MACF1: variants seen among roughly 807,000 people sequenced by gnomAD.
MACF1 encodes the protein microtubule-actin cross-linking factor 1.
A neutral mutation model predicts 854.8 loss-of-function variants in MACF1; 193 were observed. The ratio of observed to expected loss-of-function variants is 0.23; its 90% confidence interval spans 0.20 to 0.25. MACF1 has a LOEUF of 0.25. Ranked by LOEUF, MACF1 falls within the 10% of genes least tolerant of loss-of-function variation. MACF1 has a pLI of 1.00. For missense variants in MACF1, 7,722 were observed against 8,929.1 expected, an observed-to-expected ratio of 0.86 and a Z score of 5.45; for synonymous variants, 3,185 against 3,226.7, an observed-to-expected ratio of 0.99 and a Z score of 0.44.
intron 58 of MACF1, chr1:39,411,214 T>G (rs768599792): frequency 6.2e-7 from 1 of 1,613,488 alleles, no homozygotes; most frequent in Non-Finnish European, 8.5e-7. Flanking sequence ...GAAAACAGAG[T>G]CTGAGCTAAA....
intron 2 of MACF1, among the ~76,000 whole-genome samples, chr1:39,152,531 G>A (rs547036552): frequency 2.9e-4 from 44 of 152,224 alleles, no homozygotes; most frequent in African/African-American, 8.9e-4. Flanking sequence ...CCTCATTGAC[G>A]TTCTCCCTGT....
intron 2 of MACF1, among the ~76,000 whole-genome samples, chr1:39,099,689 C>T (rs1390376977): frequency 3.3e-5 from 5 of 152,168 alleles, no homozygotes; most frequent in Admixed American, 6.5e-5. Flanking sequence ...CTGGCTCCCT[C>T]CCCCAACCCC....
At chr1:39,266,962 G>C (rs547043546) in intron 6 of MACF1, among the ~76,000 whole-genome samples, 19 of 152,234 alleles carry the variant, frequency 1.2e-4, no homozygotes, top group Non-Finnish European at 2.9e-5. Flanking sequence ...CTTTTTGGCA[G>C]CTTCTTCTCT....
chr1:39,308,478 C>T (rs1262891562), intron 23 of MACF1, among the ~76,000 whole-genome samples: 1 of 152,014 alleles, frequency 6.6e-6, no homozygotes, highest in Non-Finnish European at 1.5e-5. Context: ...TCTAGTTTTC[C>T]ATCCTGTTCT....
intron 1 of MACF1, among the ~76,000 whole-genome samples, chr1:39,209,948 G>C (rs556911449): frequency 6.6e-6 from 1 of 152,148 alleles, no homozygotes; most frequent in Admixed American, 6.5e-5. Flanking sequence ...AAATTAGCTG[G>C]GTGTGGTGGT....
At chr1:39,478,741 C>T (rs1644958690) in intron 97 of MACF1, among the ~76,000 whole-genome samples, 1 of 152,096 alleles carries the variant, frequency 6.6e-6, no homozygotes, top group Non-Finnish European at 1.5e-5. Flanking sequence ...TTCCTGCCAC[C>T]TTCTAGATTT....
At chr1:39,444,420 ATACT>A (rs1644183133) in intron 79 of MACF1, among the ~76,000 whole-genome samples, 2 of 152,312 alleles carry the variant, frequency 1.3e-5, no homozygotes, top group African/African-American at 2.4e-5. Context: ...AAATATGTTA[ATACT>A]TACATTTTAA....
chr1:39,463,718 G>T, intron 94 of MACF1, 32 bp downstream of exon 94: 1 of 1,595,116 alleles, frequency 6.3e-7, no homozygotes, highest in Non-Finnish European at 8.6e-7. Flanking sequence ...CCTTTGTTGT[G>T]GTGGTTTCTC....
At chr1:39,457,399 A>C in intron 89 of MACF1, 1 of 152,438 alleles carries the variant, frequency 6.6e-6, no homozygotes, top group Middle Eastern at 3.4e-3. Flanking sequence ...GTTTTGCCTC[A>C]GTTGCTGCAA....
chr1:39,331,460 G>C lies in MACF1; in HGVS notation c.4872G>C (p.Arg1624Ser). 1.2e-6 allele frequency: 2 copies of C among 1,614,122 alleles called. No individual in the cohort carries two copies. The highest frequency in any genetic ancestry group is 1.7e-6 in the Non-Finnish European group (2 of 1,180,008). The change falls in exon 37 of 101, where the codon AGG becomes AGC. Residue 1624 changes from arginine (R) to serine (S), a missense_variant. Physicochemically the swap from Arg to Ser is moderately radical, Grantham distance 110. Around this residue, in one of 15 missense-constraint regions of MACF1, gnomAD observed 1,531 missense variants for 1,601.6 expected, o/e 0.96. Coordinates refer to ENST00000564288, the MANE Select transcript of MACF1 (RefSeq NM_001394062.1). ...ELQDALALISRLTESRGPLSV... is the reference protein window; with the variant it reads ...ELQDALALISSLTESRGPLSV... Reference sequence around the variant, plus strand: ...AGGATGCCCTGGCCTTAATAAGCAGGCTTACTGAGAGCAGAGGCCCTCTTT... The same window carrying C: ...AGGATGCCCTGGCCTTAATAAGCAGCCTTACTGAGAGCAGAGGCCCTCTTT...
At position 39,357,659 on chromosome 1, in the gene MACF1, G is replaced by A. The variant is rs756801066; in HGVS notation, c.11709G>A (p.Met3903Ile). The change falls in exon 45 of 101, where the codon ATG (methionine) becomes ATA (isoleucine). Residue 3903 changes from methionine (M) to isoleucine (I), a missense_variant. By Grantham distance (10) the Met-to-Ile change is conservative. This residue lies in a region of MACF1 where 2,807 missense variants were observed against 3,235.8 expected (regional missense o/e 0.87). Coordinates refer to ENST00000564288, the MANE Select transcript of MACF1 (RefSeq NM_001394062.1). ...GATCCGAGAAAGAGCTGGAGAACAT[G>A]CATAAGGGAGGCAGCAGCCCCGAGA... is the stretch of plus-strand genomic sequence containing the variant. The part of the protein sequence containing the change: ...LERSEKELEN[M>I]HKGGSSPETL... The A allele has an allele frequency of 6.2e-7, 1 of 1,614,174 alleles. No individual in the cohort carries two copies. The highest frequency in any genetic ancestry group is 1.1e-5 in the South Asian group (1 of 91,080).
At position 39,434,546 on chromosome 1, in the gene MACF1, A is replaced by G; in HGVS notation, c.17698A>G (p.Ile5900Val). 2 of 1,614,166 alleles carry G rather than the reference A, an allele frequency of 1.2e-6. No individual in the cohort carries two copies. Among genetic ancestry groups the G allele is most frequent in the Non-Finnish European group, 1.7e-6 (2 of 1,180,034 alleles). ...WETYEELSPW[I>V]EETRALIAQL... The stretch of plus-strand genomic sequence containing the variant: ...AACTTATGAAGAGCTCAGCCCCTGG[A>G]TTGAGGAAACTCGGGCACTAATAGC... The change falls in exon 69 of 101, where the codon ATT (isoleucine) becomes GTT (valine). Residue 5900 changes from isoleucine to valine, a missense_variant. This residue lies in a region of MACF1 where 2,807 missense variants were observed against 3,235.8 expected (regional missense o/e 0.87). Transcript: ENST00000564288.
In MACF1 at chr1:39,334,693, T is replaced by A. The variant is rs376893611; in HGVS notation, c.8105T>A (p.Leu2702Gln). 11 of 1,614,006 alleles carry A rather than the reference T, an allele frequency of 6.8e-6. No homozygotes were observed. The highest frequency in any genetic ancestry group is 8.5e-6 in the Non-Finnish European group (10 of 1,180,006). ...ATAGATACTGCTACTGGAAAAAGAC[T>A]GACATTGGCATCAGCTTTGGAAGAG... ...GIIDTATGKRLTLASALEEKL... is the reference protein window; with the variant it reads ...GIIDTATGKRQTLASALEEKL... The change falls in exon 37 of 101, where the codon CTG becomes CAG. Residue 2702 changes from leucine (L) to glutamine (Q), a missense_variant. By Grantham distance (113) the Leu-to-Gln change is moderately radical (BLOSUM62 -2). Coordinates refer to ENST00000564288, the MANE Select transcript of MACF1 (RefSeq NM_001394062.1).
At position 39,285,645 on chromosome 1, in the gene MACF1, G is replaced by A. The variant is rs942960532; in HGVS notation, c.1395G>A (p.Glu465=). The change falls in exon 14 of 101, where the codon GAG becomes GAA. Residue 465 remains glutamate (E), a synonymous_variant. Transcript: ENST00000564288. ...AATCAGGACAACCGGTACAATGTGA[G>A]TCAGATGTCATTATGTACATTCAGG... is the stretch of plus-strand genomic sequence containing the variant. The part of the protein sequence containing the change: ...HLESGQPVQC[E]SDVIMYIQEC... 7 of 1,613,958 alleles carry A rather than the reference G, an allele frequency of 4.3e-6. No individual in the cohort carries two copies. The African/African-American group carries it at 8.0e-5, about 18-fold the overall frequency.
At chr1:39,349,386 T>C in intron 41 of MACF1, 92 bp from the exon 42 acceptor site, 2 of 1,352,720 alleles carry the variant, frequency 1.5e-6, no homozygotes, top group Non-Finnish European at 2.0e-6. Context: ...ATCCTTGAGA[T>C]ATAACCTTCC....
Position 39,322,895 on chromosome 1 carries a change from T to G in MACF1, c.4138-15T>G. The stretch of plus-strand genomic sequence containing the variant: ...CTGGCAGACGATTTATTTAAATTGT[T>G]CTTTTGAACCACAGTTCATGGACTT... On this transcript the variant is annotated splice_polypyrimidine_tract_variant and intron_variant, in intron 32 of 100. Coordinates refer to ENST00000564288, the MANE Select transcript of MACF1 (RefSeq NM_001394062.1). The G allele has an allele frequency of 6.2e-7, 1 of 1,607,966 alleles. No individual in the cohort carries two copies. Among genetic ancestry groups the G allele is most frequent in the South Asian group, 1.1e-5 (1 of 90,956 alleles).
Position 39,460,500 on chromosome 1 carries a change from AAC to A in MACF1, c.21361-128_21361-127del, listed in dbSNP as rs1244160598. On this transcript the variant is annotated intron_variant, in intron 91 of 100. Transcript: ENST00000564288. The surrounding 1 kb of genome is among the most constrained non-coding windows in gnomAD (Gnocchi z 4.1). ...AGATTGTGCCTTCACAAAAGAAGCA[AAC>A]ACATAGATTTCATTGTTGATGGCCC... 1.3e-6 allele frequency: 1 copy of A among 749,770 alleles called. No individual in the cohort carries two copies. The highest frequency in any genetic ancestry group is 2.2e-6 in the Non-Finnish European group (1 of 450,266). The allele number at this position is 749,770 out of a possible 1,614,324, so 46.4% of individuals were successfully genotyped here.
chr1:39,344,008 G>C (rs1646990745), intron 40 of MACF1, among the ~76,000 whole-genome samples: 1 of 151,152 alleles, frequency 6.6e-6, no homozygotes, highest in Non-Finnish European at 1.5e-5. Context: ...TCAGCTACTC[G>C]GGAGGCTGAG....
Position 39,084,644 on chromosome 1 carries a change from C to T in MACF1, c.220+206C>T, listed in dbSNP as rs958004841. 1.3e-5 allele frequency among the ~76,000 whole-genome samples: 2 copies of T among 152,204 alleles called. No individual in the cohort carries two copies. Among genetic ancestry groups the T allele is most frequent in the Non-Finnish European group, 2.9e-5 (2 of 68,032 alleles). On this transcript the variant is annotated intron_variant, in intron 2 of 93. Transcript: ENST00000361689. The surrounding 1 kb of genome is among the most constrained non-coding windows in gnomAD (Gnocchi z 5.2). ...AGAGGAAAATCTGCCACCCCTTGCT[C>T]ACGTGAGACCTGTTTTCATTTCTGC...
Sources: allele counts gnomAD v4.1 joint callset (sites outside exome capture counted in the v4.1 genomes callset), GRCh38; gene constraint gnomAD v4.1.1; regional missense constraint gnomAD v4.1.1; non-coding constraint Gnocchi (gnomAD v3.1); transcripts MANE v1.5; gene names NCBI Gene and HGNC (gene_info 2026-07-23, HGNC 2026-07-21).